AMER2: variants seen among roughly 807,000 people sequenced by gnomAD.
AMER2 encodes family with sequence similarity 123A.
Under a neutral mutation model 4.7 loss-of-function variants are expected in AMER2, and 1 was observed. That is an observed-to-expected ratio of 0.21 (90% CI 0.07 to 1.00). AMER2 has a LOEUF of 1.00. Among genes scored for constraint, AMER2 ranks in the 50% least tolerant of loss-of-function variants. The probability of loss-of-function intolerance (pLI) is 0.60; values close to 1 mark genes in which losing one functional copy is unlikely to be tolerated. For synonymous variants in AMER2, 485 were observed against 433.3 expected, an observed-to-expected ratio of 1.12 and a Z score of -1.48; for missense variants, 988 against 966.9, an observed-to-expected ratio of 1.02 and a Z score of -0.29.
chr13:25,171,844 C>T lies in AMER2; in HGVS notation c.-225G>A. 3.8e-6 allele frequency: 3 copies of T among 783,622 alleles called. No homozygotes were observed. Among genetic ancestry groups the T allele is most frequent in the South Asian group, 4.7e-5 (1 of 21,122 alleles). The allele number at this position is 783,622 out of a possible 1,614,324, so 48.5% of individuals were successfully genotyped here. ...GTTTTTGTGGCAGGAGCAGGCAACA[C>T]AGCCGCGAGCTGATTGCAGAAATTC... On this transcript the variant is annotated 5_prime_UTR_variant, in exon 1 of 1. The change creates a new upstream start codon in the 5' untranslated region. Coordinates refer to ENST00000515384, the MANE Select transcript of AMER2 (RefSeq NM_152704.4). The surrounding 1 kb of genome is among the most constrained non-coding windows in gnomAD (Gnocchi z 5.9).
rs1016117284 is a variant in AMER2, at chr13:25,162,268, T to C, written c.*7336A>G. Reference sequence around the variant, plus strand: ...TAACCAGCAACTCCCTATATTACACTGAGATACTTTATATAAATAACGTGG... The same window carrying C: ...TAACCAGCAACTCCCTATATTACACCGAGATACTTTATATAAATAACGTGG... On this transcript the variant is annotated 3_prime_UTR_variant, in exon 1 of 1. Coordinates refer to ENST00000515384, the MANE Select transcript of AMER2 (RefSeq NM_152704.4). 3 of 152,082 alleles carry C rather than the reference T, an allele frequency of 2.0e-5. No individual in the cohort carries two copies. Among genetic ancestry groups the C allele is most frequent in the African/African-American group, 7.2e-5 (3 of 41,394 alleles). 9.4% of individuals were successfully genotyped at this position (152,082 alleles called of 1,614,324 possible). A position where few individuals can be genotyped will look rare whatever the true frequency, so the allele number is the denominator to read the frequency against.
In AMER2 at chr13:25,169,961, G is replaced by A; in HGVS notation, c.1659C>T (p.Asp553=). 4 of 1,614,124 alleles carry A rather than the reference G, an allele frequency of 2.5e-6. No homozygotes were observed. Among genetic ancestry groups the A allele is most frequent in the Admixed American group, 1.7e-5 (1 of 60,018 alleles). Residue 553 remains aspartate, a synonymous_variant, in exon 1 of 1, where the codon GAC becomes GAT. Coordinates refer to ENST00000515384, the MANE Select transcript of AMER2 (RefSeq NM_152704.4). This position sits in a 1 kb window ranked among gnomAD's most constrained non-coding sequence, Gnocchi z 4.2. ...AGIPRDSYSG[D]ALYDLYADPD... is the part of the protein sequence containing the mutation. ...GGTCAGCATAGAGATCATAGAGCGC[G>A]TCCCCGCTGTAGCTATCCCGGGGGA...
At position 25,170,853 on chromosome 13, in the gene AMER2, G is replaced by A. The variant is rs773492063; in HGVS notation, c.767C>T (p.Pro256Leu). The A allele has an allele frequency of 2.1e-6, 3 of 1,447,390 alleles. No individual in the cohort carries two copies. The highest frequency in any genetic ancestry group is 1.5e-5 in the African/African-American group (1 of 67,960). The allele number at this position is 1,447,390 out of a possible 1,614,324, so 89.7% of individuals were successfully genotyped here. A position where few individuals can be genotyped will look rare whatever the true frequency, so the allele number is the denominator to read the frequency against. ...TGCGGGCTCACCTGCTGGGTCTCGCGGGGCGTCCTGGCTGGGCTCCTCCGG... is the reference window on the plus strand; with the variant it reads ...TGCGGGCTCACCTGCTGGGTCTCGCAGGGCGTCCTGGCTGGGCTCCTCCGG... ...REPEEPSQDA[P>L]RDPAGEPAGG... The change falls in exon 1 of 1, where the codon CCG becomes CTG. Residue 256 changes from proline (P) to leucine (L), a missense_variant. By Grantham distance (98) the Pro-to-Leu change is moderately conservative. Transcript: ENST00000515384. The surrounding 1 kb of genome is among the most constrained non-coding windows in gnomAD (Gnocchi z 7.3).
chr13:25,168,956 T>A lies in AMER2; in HGVS notation c.*648A>T. On this transcript the variant is annotated 3_prime_UTR_variant, in exon 1 of 1. Transcript: ENST00000515384. The stretch of plus-strand genomic sequence containing the variant: ...TCGCCTTTATTTTCCTAGTGTTAGA[T>A]CCTTATCAATTTGCATATCTAACAA... The A allele has an allele frequency of 6.6e-6, 1 of 152,658 alleles. No individual in the cohort carries two copies. Among genetic ancestry groups the A allele is most frequent in the East Asian group, 1.9e-4 (1 of 5,188 alleles). 9.5% of individuals were successfully genotyped at this position (152,658 alleles called of 1,614,324 possible).
In AMER2 at chr13:25,171,851, G is replaced by T; in HGVS notation, c.-232C>A. On this transcript the variant is annotated 5_prime_UTR_variant, in exon 1 of 1. Transcript: ENST00000515384. This position sits in a 1 kb window ranked among gnomAD's most constrained non-coding sequence, Gnocchi z 5.9. The stretch of plus-strand genomic sequence containing the variant: ...TGGCAGGAGCAGGCAACACAGCCGC[G>T]AGCTGATTGCAGAAATTCGAGTCGT... 1.4e-6 allele frequency: 1 copy of T among 723,272 alleles called. No homozygotes were observed. Among genetic ancestry groups the T allele is most frequent in the Non-Finnish European group, 1.9e-6 (1 of 515,740 alleles). The allele number at this position is 723,272 out of a possible 1,614,324, so 44.8% of individuals were successfully genotyped here.
At position 25,170,422 on chromosome 13, in the gene AMER2, C is replaced by T. The variant is rs757087085; in HGVS notation, c.1198G>A (p.Val400Ile). Residue 400 changes from valine (V) to isoleucine (I), a missense_variant, in exon 1 of 1, where the codon GTC becomes ATC. Coordinates refer to ENST00000515384, the MANE Select transcript of AMER2 (RefSeq NM_152704.4). This position sits in a 1 kb window ranked among gnomAD's most constrained non-coding sequence, Gnocchi z 7.3. ...AGAGCCGGCTTGCCTGGCCCGGGGA[C>T]ATGCTTGTCACAGCTGGGACCTGCC... Reference protein sequence around the residue: ...EEAGPSCDKHVPGPGKPALSK... With the variant: ...EEAGPSCDKHIPGPGKPALSK... The T allele has an allele frequency of 5.6e-6, 9 of 1,614,176 alleles. No individual in the cohort carries two copies. Among genetic ancestry groups the T allele is most frequent in the Non-Finnish European group, 7.6e-6 (9 of 1,180,026 alleles).
In AMER2 at chr13:25,171,755, TC is replaced by T; in HGVS notation, c.-137del. ...AACACACATAAAAGACCATCTTCCCTCCCGCAAGGGCTTATATAATACCCTA... is the reference window on the plus strand; with the variant it reads ...AACACACATAAAAGACCATCTTCCCTCCGCAAGGGCTTATATAATACCCTA... On this transcript the variant is annotated 5_prime_UTR_variant, in exon 1 of 1. It introduces an in-frame stop codon into an upstream open reading frame of the 5' UTR. Transcript: ENST00000515384. This position sits in a 1 kb window ranked among gnomAD's most constrained non-coding sequence, Gnocchi z 5.9. 4 of 1,399,568 alleles carry T rather than the reference TC, an allele frequency of 2.9e-6. No homozygotes were observed. The highest frequency in any genetic ancestry group is 3.7e-6 in the Non-Finnish European group (4 of 1,085,980). The allele number at this position is 1,399,568 out of a possible 1,614,324, so 86.7% of individuals were successfully genotyped here.
Position 25,163,439 on chromosome 13 carries a change from G to A in AMER2, c.*6165C>T, listed in dbSNP as rs986332868. On this transcript the variant is annotated 3_prime_UTR_variant, in exon 1 of 1. Coordinates refer to ENST00000515384, the MANE Select transcript of AMER2 (RefSeq NM_152704.4). ...GCCAAGATGTGGAAATAATCTAAAC[G>A]TCTGTCAGTAGATGAAAGGGTTTTT... 3.3e-5 allele frequency: 5 copies of A among 152,008 alleles called. No individual in the cohort carries two copies. The highest frequency in any genetic ancestry group is 5.9e-5 in the Non-Finnish European group (4 of 68,006). The allele number at this position is 152,008 out of a possible 1,614,324, so 9.4% of individuals were successfully genotyped here.
Position 25,169,634 on chromosome 13 carries a change from C to G in AMER2, c.1986G>C (p.Thr662=), listed in dbSNP as rs770448396. 1 of 1,604,726 alleles carries G rather than the reference C, an allele frequency of 6.2e-7. No homozygotes were observed. Residue 662 remains threonine, a synonymous_variant, in exon 1 of 1, where the codon ACG becomes ACC. Transcript: ENST00000515384. The surrounding 1 kb of genome is among the most constrained non-coding windows in gnomAD (Gnocchi z 4.2). ...ACTTTTTGGCACTGTCGTGGCAGGC[C>G]GTTGCTCTGATGGTGGTCCCAGCCA... ...RGLAGTTIRA[T]ACHDSAKKL is the part of the protein sequence containing the mutation.
In AMER2 at chr13:25,170,149, TG is replaced by T. The variant is rs1426324249; in HGVS notation, c.1470del (p.Arg491GlyfsTer94). ...EAAKDASSVK[R>X]RRLNRIPIEP... ...TCGATGGGAATCCGGTTGAGCCTCC[TG>T]CGCTTGACCGAGGACGCGTCCTTGG... On this transcript the variant is annotated frameshift_variant, in exon 1 of 1. Transcript: ENST00000515384. LOFTEE classifies it low-confidence loss of function (END_TRUNC). This position sits in a 1 kb window ranked among gnomAD's most constrained non-coding sequence, Gnocchi z 7.3. 6.2e-7 allele frequency: 1 copy of T among 1,614,034 alleles called. No homozygotes were observed. The highest frequency in any genetic ancestry group is 1.3e-5 in the African/African-American group (1 of 75,054).
rs1319788448 is a variant in AMER2, at chr13:25,168,703, A to T, written c.*901T>A. On this transcript the variant is annotated 3_prime_UTR_variant, in exon 1 of 1. Coordinates refer to ENST00000515384, the MANE Select transcript of AMER2 (RefSeq NM_152704.4). ...ATTCTATTGAATTGACTGATTACAA[A>T]ATGTTAACAGCTGGATAAACGGTAA... The T allele has an allele frequency of 6.6e-6, 1 of 152,650 alleles. No homozygotes were observed. Among genetic ancestry groups the T allele is most frequent in the East Asian group, 1.9e-4 (1 of 5,208 alleles). 9.5% of individuals were successfully genotyped at this position (152,650 alleles called of 1,614,324 possible). A position where few individuals can be genotyped will look rare whatever the true frequency, so the allele number is the denominator to read the frequency against.
Position 25,169,688 on chromosome 13 carries a change from C to T in AMER2, c.1932G>A (p.Val644=), listed in dbSNP as rs775294552. ...MPRTKIPVSK[V]LVRRVSNRGL... is the part of the protein sequence containing the mutation. ...CCCGGTTGCTGACTCTGCGGACCAG[C>T]ACTTTGGAAACCGGGATTTTTGTTC... is the stretch of plus-strand genomic sequence containing the variant. The change falls in exon 1 of 1, where the codon GTG becomes GTA. Residue 644 remains valine, a synonymous_variant. Coordinates refer to ENST00000515384, the MANE Select transcript of AMER2 (RefSeq NM_152704.4). This position sits in a 1 kb window ranked among gnomAD's most constrained non-coding sequence, Gnocchi z 4.2. 1.9e-6 allele frequency: 3 copies of T among 1,613,996 alleles called. No individual in the cohort carries two copies. Among genetic ancestry groups the T allele is most frequent in the African/African-American group, 2.7e-5 (2 of 74,930 alleles).
In AMER2 at chr13:25,170,860, C is replaced by A. The variant is rs1956556594; in HGVS notation, c.760G>T (p.Asp254Tyr). ...AAREPEEPSQDAPRDPAGEPA... is the reference protein window; with the variant it reads ...AAREPEEPSQYAPRDPAGEPA... ...TCACCTGCTGGGTCTCGCGGGGCGTCCTGGCTGGGCTCCTCCGGCTCGCGC... is the reference window on the plus strand; with the variant it reads ...TCACCTGCTGGGTCTCGCGGGGCGTACTGGCTGGGCTCCTCCGGCTCGCGC... Residue 254 changes from aspartate (D) to tyrosine (Y), a missense_variant, in exon 1 of 1, where the codon GAC becomes TAC. Coordinates refer to ENST00000515384, the MANE Select transcript of AMER2 (RefSeq NM_152704.4). The surrounding 1 kb of genome is among the most constrained non-coding windows in gnomAD (Gnocchi z 7.3). The A allele has an allele frequency of 2.1e-6, 3 of 1,452,204 alleles. No homozygotes were observed. Among genetic ancestry groups the A allele is most frequent in the African/African-American group, 2.9e-5 (2 of 68,080 alleles). The allele number at this position is 1,452,204 out of a possible 1,614,324, so 90.0% of individuals were successfully genotyped here.
rs763913776 is a variant in AMER2, at chr13:25,170,875, C to G, written c.745G>C (p.Glu249Gln). The stretch of plus-strand genomic sequence containing the variant: ...CGCGGGGCGTCCTGGCTGGGCTCCT[C>G]CGGCTCGCGCGCGGCTCTGGGCGTC... ...EETPRAAREP[E>Q]EPSQDAPRDP... Residue 249 changes from glutamate to glutamine, a missense_variant, in exon 1 of 1, where the codon GAG (glutamate) becomes CAG (glutamine). Glu to Gln is a conservative substitution (Grantham distance 29, BLOSUM62 2). Transcript: ENST00000515384. This position sits in a 1 kb window ranked among gnomAD's most constrained non-coding sequence, Gnocchi z 7.3. 1 of 1,458,198 alleles carries G rather than the reference C, an allele frequency of 6.9e-7. No individual in the cohort carries two copies. The highest frequency in any genetic ancestry group is 2.5e-5 in the Admixed American group (1 of 40,368). The allele number at this position is 1,458,198 out of a possible 1,614,324, so 90.3% of individuals were successfully genotyped here.
In AMER2 at chr13:25,171,680, C is replaced by A. The variant is rs1039997001; in HGVS notation, c.-61G>T. ...TGGGCTCGCGCCAGGCCACTGTCAC[C>A]CGTATTCTAAATCAACCTGAGCCGC... On this transcript the variant is annotated 5_prime_UTR_variant, in exon 1 of 1. Transcript: ENST00000515384. This position sits in a 1 kb window ranked among gnomAD's most constrained non-coding sequence, Gnocchi z 5.9. 7.0e-7 allele frequency: 1 copy of A among 1,425,914 alleles called. No homozygotes were observed. The highest frequency in any genetic ancestry group is 2.7e-5 in the East Asian group (1 of 37,378). The allele number at this position is 1,425,914 out of a possible 1,614,324, so 88.3% of individuals were successfully genotyped here.
At position 25,171,732 on chromosome 13, in the gene AMER2, C is replaced by T; in HGVS notation, c.-113G>A. 3 of 1,410,388 alleles carry T rather than the reference C, an allele frequency of 2.1e-6. No homozygotes were observed. The highest frequency in any genetic ancestry group is 2.7e-6 in the Non-Finnish European group (3 of 1,092,762). The allele number at this position is 1,410,388 out of a possible 1,614,324, so 87.4% of individuals were successfully genotyped here. A position where few individuals can be genotyped will look rare whatever the true frequency, so the allele number is the denominator to read the frequency against. ...CTCGCCGCCGCCGCTGCAAAAGAAA[C>T]ACACATAAAAGACCATCTTCCCTCC... On this transcript the variant is annotated 5_prime_UTR_variant, in exon 1 of 1. Coordinates refer to ENST00000515384, the MANE Select transcript of AMER2 (RefSeq NM_152704.4). This position sits in a 1 kb window ranked among gnomAD's most constrained non-coding sequence, Gnocchi z 5.9.
At position 25,166,879 on chromosome 13, in the gene AMER2, G is replaced by A. The variant is rs1471957875; in HGVS notation, c.*2725C>T. On this transcript the variant is annotated 3_prime_UTR_variant, in exon 1 of 1. Transcript: ENST00000515384. ...AATCTACTCTTCCTGCCACTCCAGGGATTTCCCATCAAGTGATTGAGGCTG... is the reference window on the plus strand; with the variant it reads ...AATCTACTCTTCCTGCCACTCCAGGAATTTCCCATCAAGTGATTGAGGCTG... The A allele has an allele frequency of 6.6e-6, 1 of 152,108 alleles. No homozygotes were observed. The highest frequency in any genetic ancestry group is 6.5e-5 in the Admixed American group (1 of 15,276). The allele number at this position is 152,108 out of a possible 1,614,324, so 9.4% of individuals were successfully genotyped here. A position where few individuals can be genotyped will look rare whatever the true frequency, so the allele number is the denominator to read the frequency against.
Position 25,171,384 on chromosome 13 carries a change from G to A in AMER2, c.236C>T (p.Thr79Ile), listed in dbSNP as rs1414865645. 6.2e-7 allele frequency: 1 copy of A among 1,613,046 alleles called. No individual in the cohort carries two copies. The highest frequency in any genetic ancestry group is 8.5e-7 in the Non-Finnish European group (1 of 1,179,666). Residue 79 changes from threonine to isoleucine, a missense_variant, in exon 1 of 1, where the codon ACC becomes ATC. By Grantham distance (89) the Thr-to-Ile change is moderately conservative. Coordinates refer to ENST00000515384, the MANE Select transcript of AMER2 (RefSeq NM_152704.4). This position sits in a 1 kb window ranked among gnomAD's most constrained non-coding sequence, Gnocchi z 5.9. ...TTTGACCCCAAAAATGCTGGGCATG[G>A]TGCCACCCGATTTCCTCTTCTTGAA... The part of the protein sequence containing the change: ...KLFKKRKSGG[T>I]MPSIFGVKNK...
Position 25,169,009 on chromosome 13 carries a change from C to T in AMER2, c.*595G>A, listed in dbSNP as rs1956513427. ...GAACGTAGGGAAGTTTTCTGCCAAT[C>T]AGTGGTCCCCTCTGCTCATCAGGTA... On this transcript the variant is annotated 3_prime_UTR_variant, in exon 1 of 1. Transcript: ENST00000515384. This position sits in a 1 kb window ranked among gnomAD's most constrained non-coding sequence, Gnocchi z 4.2. The T allele has an allele frequency of 6.5e-6, 1 of 152,820 alleles. No homozygotes were observed. The highest frequency in any genetic ancestry group is 6.5e-5 in the Admixed American group (1 of 15,312). The allele number at this position is 152,820 out of a possible 1,614,324, so 9.5% of individuals were successfully genotyped here. A position where few individuals can be genotyped will look rare whatever the true frequency, so the allele number is the denominator to read the frequency against.
Sources: gnomAD v4.1 joint callset for allele counts on GRCh38, gnomAD v4.1.1 for gene constraint, Gnocchi (gnomAD v3.1) non-coding constraint, MANE v1.5 for transcripts, NCBI Gene and HGNC (gene_info 2026-07-23, HGNC 2026-07-21) for gene names.